Variants in PMFBP1 observed in about 807,000 individuals in gnomAD.
PMFBP1 encodes the protein polyamine modulated factor 1 binding protein 1.
In PMFBP1, 131 loss-of-function variants were observed where a neutral mutation model predicts 137.8. The ratio of observed to expected loss-of-function variants is 0.95; its 90% CI spans 0.82 to 1.10. PMFBP1 has a LOEUF of 1.10. Ranked by LOEUF, PMFBP1 falls within the 50% of genes least tolerant of loss-of-function variation. The pLI, the probability that PMFBP1 is intolerant of heterozygous loss-of-function variation, is 0.00. For missense variants in PMFBP1, 1,199 were observed against 1,175.4 expected (o/e 1.02, Z -0.29); for synonymous variants, 490 against 450.4 (o/e 1.09, Z -1.11).
chr16:72,213,634 C>CT, the PMFBP1 span, among the ~76,000 whole-genome samples: 1 of 152,150 alleles, frequency 6.6e-6, no homozygotes, highest in African/African-American at 2.4e-5. Context: ...AGTTAGAGGA[C>CT]CCAGCTAATC....
At chr16:72,167,378 C>T (rs569417110) in intron 2 of PMFBP1, among the ~76,000 whole-genome samples, 78 of 152,208 alleles carry the variant, frequency 5.1e-4, no homozygotes, top group African/African-American at 1.8e-3. Flanking sequence ...AAAACTCTCC[C>T]TCCTCCTCTC....
At chr16:72,157,188 A>C (rs1166300194) in intron 3 of PMFBP1, among the ~76,000 whole-genome samples, 1 of 143,262 alleles carries the variant, frequency 7.0e-6, no homozygotes. Flanking sequence ...CATCTCAAAA[A>C]AAAAAAAAAA....
At chr16:72,143,479 G>T (rs2042754563) in intron 5 of PMFBP1, among the ~76,000 whole-genome samples, 1 of 151,958 alleles carries the variant, frequency 6.6e-6, no homozygotes, top group South Asian at 2.1e-4. Context: ...GTGGTGGCTT[G>T]CACCTGTAAT....
intron 19 of PMFBP1, among the ~76,000 whole-genome samples, chr16:72,121,405 A>G (rs1314740298): frequency 1.1e-4 from 16 of 152,084 alleles, no homozygotes; most frequent in Admixed American, 1.0e-3. Context: ...GCTCATCCAC[A>G]TCCTGACTTC....
intron 13 of PMFBP1, 25 bp from the exon 14 acceptor site, chr16:72,128,819 C>T (rs770038511): frequency 1.9e-6 from 3 of 1,613,868 alleles, no homozygotes; most frequent in East Asian, 4.5e-5. Context: ...AAGAACAAAG[C>T]ACAGCAAAGA....
chr16:72,219,560 C>G, the PMFBP1 span, among the ~76,000 whole-genome samples: 1 of 150,300 alleles, frequency 6.7e-6, no homozygotes, highest in African/African-American at 2.4e-5. Flanking sequence ...GGCGGGGGGG[C>G]CTGTTTGCTC....
intron 14 of PMFBP1, 103 bp from the exon 15 acceptor site, chr16:72,126,235 G>A: frequency 8.0e-7 from 1 of 1,250,766 alleles, no homozygotes; most frequent in Non-Finnish European, 1.1e-6. Flanking sequence ...TCTCCTGTCT[G>A]CAGCAACCTG....
intron 9 of PMFBP1, among the ~76,000 whole-genome samples, chr16:72,134,946 G>A (rs2042601500): frequency 2.0e-5 from 3 of 152,172 alleles, no homozygotes; most frequent in Admixed American, 2.0e-4. Flanking sequence ...TATGACAAGA[G>A]GCATGTTGCA....
chr16:72,129,019 C>T (rs760530946), intron 13 of PMFBP1, 47 bp downstream of exon 13: 54 of 1,597,224 alleles, frequency 3.4e-5, no homozygotes, highest in Non-Finnish European at 4.5e-5. Flanking sequence ...GGGGTCATGT[C>T]CCGCTCTGGA....
chr16:72,139,408 A>G lies in PMFBP1; in HGVS notation c.808-9T>C. 2 of 1,601,170 alleles carry G rather than the reference A, an allele frequency of 1.2e-6. No individual in the cohort carries two copies. The highest frequency in any genetic ancestry group is 1.1e-5 in the South Asian group (1 of 90,480). ...TTTTCACGCTCCAGAACCTGCAAAT[A>G]AGCTTAGATCAGTTATGCTGGATGA... On this transcript the variant is annotated splice_polypyrimidine_tract_variant and intron_variant, in intron 6 of 20. Transcript: ENST00000237353.
rs1331598997 is a variant in PMFBP1 at position 72,140,297 on chromosome 16, C to T, written c.807+115G>A. 12 of 1,091,960 alleles carry T rather than the reference C, an allele frequency of 1.1e-5. No homozygotes were observed. The East Asian group carries it at 2.1e-4, about 19-fold the overall frequency. The allele number at this position is 1,091,960 out of a possible 1,614,324, so 67.6% of individuals were successfully genotyped here. A position where few individuals can be genotyped will look rare whatever the true frequency, so the allele number is the denominator to read the frequency against. On this transcript the variant is annotated intron_variant, in intron 6 of 20. Transcript: ENST00000237353. The stretch of plus-strand genomic sequence containing the variant: ...AGTTGGGGGGCAAGTATATATCAGA[C>T]ATTTGAGGATTCTCGGCGAAAAAGA...
the PMFBP1 span, among the ~76,000 whole-genome samples, chr16:72,204,437 G>A: frequency 6.6e-6 from 1 of 152,224 alleles, no homozygotes; most frequent in East Asian, 1.9e-4. Flanking sequence ...TCCTGGGCTC[G>A]AGCAATCTGC....
chr16:72,234,376 G>A, the PMFBP1 span, among the ~76,000 whole-genome samples: 8 of 152,222 alleles, frequency 5.3e-5, 1 homozygote, highest in African/African-American at 7.2e-5. Flanking sequence ...CCCCAAATTC[G>A]TACAAACACA....
chr16:72,180,221 G>A (rs149198409), upstream of PMFBP1, among the ~76,000 whole-genome samples: 1 of 152,286 alleles, frequency 6.6e-6, no homozygotes, highest in African/African-American at 2.4e-5. Context: ...TTAGAGGCCA[G>A]GGAAGCTTCT....
At chr16:72,146,469 C>T (rs2042807836) in intron 5 of PMFBP1, among the ~76,000 whole-genome samples, 1 of 152,124 alleles carries the variant, frequency 6.6e-6, no homozygotes, top group Non-Finnish European at 1.5e-5. Context: ...CAGCACAAGA[C>T]AAGGATGCCC....
At chr16:72,167,332 G>A (rs1358867215) in intron 2 of PMFBP1, among the ~76,000 whole-genome samples, 1 of 151,982 alleles carries the variant, frequency 6.6e-6, no homozygotes, top group South Asian at 2.1e-4. Flanking sequence ...TTAGGTTAAC[G>A]GCATGGCTCT....
At chr16:72,189,580 G>T in the PMFBP1 span, among the ~76,000 whole-genome samples, 6 of 152,202 alleles carry the variant, frequency 3.9e-5, no homozygotes, top group African/African-American at 1.4e-4. Context: ...ATAAATTACG[G>T]CAGAGTCCAC....
At chr16:72,128,083 C>T (rs2042488817) in intron 14 of PMFBP1, among the ~76,000 whole-genome samples, 1 of 152,156 alleles carries the variant, frequency 6.6e-6, no homozygotes, top group Non-Finnish European at 1.5e-5. Context: ...TGGTTGATTC[C>T]ATCACTTGCT....
At chr16:72,231,884 T>C in the PMFBP1 span, among the ~76,000 whole-genome samples, 5 of 101,480 alleles carry the variant, frequency 4.9e-5, no homozygotes, top group Admixed American at 4.1e-4. Flanking sequence ...GGAAAAATTT[T>C]CCTCACAAAG....
Sources: allele counts gnomAD v4.1 joint callset (sites outside exome capture counted in the v4.1 genomes callset), GRCh38; gene constraint gnomAD v4.1.1; transcripts MANE v1.5; gene names NCBI Gene and HGNC (gene_info 2026-07-23, HGNC 2026-07-21).